Variants in SPATA9 observed in about 807,000 individuals in gnomAD.
SPATA9 encodes the protein spermatogenesis associated 9.
A neutral mutation model predicts 25.5 loss-of-function variants in SPATA9; 27 were observed. The ratio of observed to expected loss-of-function variants is 1.06; its 90% CI spans 0.78 to 1.46. The LOEUF (loss-of-function observed/expected upper bound fraction) is 1.46. Among genes scored for constraint, SPATA9 ranks in the 40% most tolerant of loss-of-function variants. The pLI, the probability that SPATA9 is intolerant of heterozygous loss-of-function variation, is 0.00. For synonymous variants in SPATA9, 102 were observed against 105.7 expected (o/e 0.97, Z 0.21); for missense variants, 282 against 297.5 (o/e 0.95, Z 0.38).
chr5:95,681,345 C>T (rs970104267), intron 2 of SPATA9, among the ~76,000 whole-genome samples: 11 of 152,102 alleles, frequency 7.2e-5, no homozygotes, highest in African/African-American at 2.7e-4. Flanking sequence ...TGGCCTAACC[C>T]CCACTGCCAG....
chr5:95,704,767 A>C, the SPATA9 span, among the ~76,000 whole-genome samples: 1 of 152,148 alleles, frequency 6.6e-6, no homozygotes, highest in Non-Finnish European at 1.5e-5. Context: ...TCCAAGATTG[A>C]GGCACTGACA....
chr5:95,656,367 C>A, downstream of SPATA9: 2 of 1,391,604 alleles, frequency 1.4e-6, no homozygotes, highest in South Asian at 1.3e-5. Context: ...TTTAGAATAA[C>A]TCTGCTTCAG....
chr5:95,653,248 C>G (rs143649693), intron 8 of SPATA9: 1 of 1,550,790 alleles, frequency 6.4e-7, no homozygotes, highest in Non-Finnish European at 8.7e-7. Context: ...TCATACCCAC[C>G]TTCTCTTGCT....
At chr5:95,659,120 A>G (rs963333774) in intron 4 of SPATA9, among the ~76,000 whole-genome samples, 2 of 152,326 alleles carry the variant, frequency 1.3e-5, no homozygotes, top group Admixed American at 6.5e-5. Context: ...AGAGCAATTT[A>G]AAACCTAGTA....
At chr5:95,728,501 T>G in the SPATA9 span, among the ~76,000 whole-genome samples, 5 of 152,258 alleles carry the variant, frequency 3.3e-5, no homozygotes, top group African/African-American at 1.2e-4. Context: ...CACAGATCTC[T>G]TCCTAACATT....
chr5:95,682,614 C>A lies in SPATA9; in HGVS notation c.64G>T (p.Glu22Ter), dbSNP rs1233278578. ...TCCATGATTGCTTTCTGGATCCCCT[C>A]GACTAAGACAAAAAGAGGTTAGGAA... ...QVLKNFSGRI[E>*]GIQKAIMDLV... Residue 22 changes from glutamate (E) to a stop codon, truncating the protein, a stop_gained and splice_region_variant, in exon 2 of 5, where the codon GAG becomes TAG. Coordinates refer to ENST00000274432, the MANE Select transcript of SPATA9 (RefSeq NM_031952.4). LOFTEE classifies it high-confidence loss of function. The A allele has an allele frequency of 2.5e-6, 4 of 1,609,598 alleles. No homozygotes were observed. Among genetic ancestry groups the A allele is most frequent in the Non-Finnish European group, 3.4e-6 (4 of 1,178,352 alleles).
chr5:95,725,228 AAAAC>A, the SPATA9 span, among the ~76,000 whole-genome samples: 174 of 152,330 alleles, frequency 1.1e-3, no homozygotes, highest in Non-Finnish European at 2.1e-3. Context: ...GAAAAGGAGA[AAAAC>A]AAACCACAGC....
chr5:95,703,445 C>A (rs1192791774), upstream of SPATA9, among the ~76,000 whole-genome samples: 1 of 152,004 alleles, frequency 6.6e-6, no homozygotes, highest in Non-Finnish European at 1.5e-5. Context: ...ACCAGCCTGG[C>A]CAAAATGGTG....
chr5:95,708,860 A>G, the SPATA9 span: 111,335 of 512,270 alleles, frequency 0.22, 13,258 homozygotes, highest in East Asian at 0.46. Context: ...GTGAGGAGGA[A>G]GGAGTAGGAA....
At chr5:95,717,742 A>T in the SPATA9 span, 1 of 152,272 alleles carries the variant, frequency 6.6e-6, no homozygotes, top group African/African-American at 2.4e-5. Context: ...GCCTGGAGGG[A>T]CAAACAAAGG....
At chr5:95,729,651 A>G in the SPATA9 span, among the ~76,000 whole-genome samples, 2 of 152,136 alleles carry the variant, frequency 1.3e-5, no homozygotes, top group Non-Finnish European at 2.9e-5. Context: ...AACCTGAAAC[A>G]CTATACCTGT....
At chr5:95,720,072 C>G in the SPATA9 span, among the ~76,000 whole-genome samples, 22 of 152,188 alleles carry the variant, frequency 1.4e-4, no homozygotes, top group African/African-American at 2.7e-4. Flanking sequence ...AGTCTCATTA[C>G]AAATGAGCAA....
At chr5:95,679,649 C>T (rs776080813) in intron 2 of SPATA9, among the ~76,000 whole-genome samples, 8 of 152,088 alleles carry the variant, frequency 5.3e-5, no homozygotes, top group South Asian at 2.1e-4. Flanking sequence ...ACACTAAGGC[C>T]AACCTTCCAA....
In SPATA9 at chr5:95,675,819, CTTTT is replaced by C. The variant is rs33943918; in HGVS notation, c.151-184_151-181del. Among the ~76,000 whole-genome samples, 153 of 108,026 alleles carry C rather than the reference CTTTT, an allele frequency of 1.4e-3. No individual in the cohort carries two copies. The Middle Eastern group carries it at 0.018, about 13-fold the overall frequency. The allele number at this position is 108,026 out of a possible 152,430, so 70.9% of individuals were successfully genotyped here. On this transcript the variant is annotated intron_variant, in intron 2 of 4. Transcript: ENST00000274432. ...TGAATTCCCTGCCATGTACTTAAAC[CTTTT>C]TTTTTTTTTTTTTTTTTTATGGAAT... is the stretch of plus-strand genomic sequence containing the variant.
chr5:95,705,579 T>C, the SPATA9 span, among the ~76,000 whole-genome samples: 2 of 152,316 alleles, frequency 1.3e-5, no homozygotes, highest in African/African-American at 4.8e-5. Context: ...GGTAATAATG[T>C]GTATGAAGTA....
At chr5:95,654,272 C>T (rs1326011214), downstream of SPATA9, 1 of 1,608,158 alleles carries the variant, frequency 6.2e-7, no homozygotes, top group Non-Finnish European at 8.5e-7. Context: ...AACTTTAAAC[C>T]ATGAAACTAT....
At chr5:95,672,903 C>A (rs1330235208) in intron 3 of SPATA9, among the ~76,000 whole-genome samples, 1 of 152,130 alleles carries the variant, frequency 6.6e-6, no homozygotes, top group African/African-American at 2.4e-5. Flanking sequence ...TTCTCTCATT[C>A]CTGTGCAGAT....
upstream of SPATA9, among the ~76,000 whole-genome samples, chr5:95,685,399 A>G (rs1286238151): frequency 1.3e-5 from 2 of 152,186 alleles, no homozygotes; most frequent in Admixed American, 1.3e-4. Flanking sequence ...TTCATGTATT[A>G]CCTACCAATC....
chr5:95,731,242 G>A, the SPATA9 span: 2 of 1,005,510 alleles, frequency 2.0e-6, no homozygotes, highest in Middle Eastern at 5.0e-4. Flanking sequence ...CCCCGGGGCT[G>A]GCACGTGCTG....
Sources: gnomAD v4.1 joint callset for allele counts (sites outside exome capture counted in the v4.1 genomes callset) on GRCh38, gnomAD v4.1.1 for gene constraint, MANE v1.5 for transcripts, NCBI Gene and HGNC (gene_info 2026-07-23, HGNC 2026-07-21) for gene names.